Variants in CADPS observed in about 807,000 individuals in gnomAD.
The protein encoded by CADPS is calcium-dependent secretion activator 1.
In CADPS, 57 loss-of-function variants were observed where a neutral mutation model predicts 167.3. The observed-to-expected ratio is 0.34, with a 90% CI of 0.28 to 0.42. The LOEUF (loss-of-function observed/expected upper bound fraction) is 0.42. Among genes scored for constraint, CADPS ranks in the 20% least tolerant of loss-of-function variants. The pLI is 1.00. For synonymous variants in CADPS, 676 were observed against 635.3 expected, an observed-to-expected ratio of 1.06 and a Z score of -0.96; for missense variants, 1,414 against 1,738.1, an observed-to-expected ratio of 0.81 and a Z score of 3.32.
At chr3:62,735,666 A>G (rs1309609593) in intron 3 of CADPS, among the ~76,000 whole-genome samples, 1 of 152,158 alleles carries the variant, frequency 6.6e-6, no homozygotes, top group Non-Finnish European at 1.5e-5. Flanking sequence ...TTGTAAAGAA[A>G]TGCGGTCATG....
At chr3:62,802,189 G>A (rs1035697905) in intron 1 of CADPS, among the ~76,000 whole-genome samples, 2 of 152,074 alleles carry the variant, frequency 1.3e-5, no homozygotes, top group Non-Finnish European at 2.9e-5. Context: ...ATGGAGTGTG[G>A]ACAGTGCATA....
intron 9 of CADPS, among the ~76,000 whole-genome samples, chr3:62,567,688 C>T (rs2080512431): frequency 6.7e-6 from 1 of 149,778 alleles, no homozygotes. Context: ...AATTCTCCTG[C>T]CTCCGCGTTC....
At chr3:62,554,308 AG>A (rs2077761026) in intron 10 of CADPS, among the ~76,000 whole-genome samples, 2 of 152,230 alleles carry the variant, frequency 1.3e-5, no homozygotes, top group Admixed American at 1.3e-4. Flanking sequence ...GAACACGTCA[AG>A]GACCCAAACA....
chr3:62,667,435 C>A (rs541529883), intron 3 of CADPS, among the ~76,000 whole-genome samples: 6 of 152,094 alleles, frequency 3.9e-5, no homozygotes, highest in African/African-American at 1.4e-4. Context: ...CCTCTCGGTG[C>A]ACAGTCCCTT....
intron 27 of CADPS, chr3:62,439,987 T>A (rs2055971574): frequency 6.6e-6 from 1 of 152,226 alleles, no homozygotes; most frequent in Admixed American, 6.5e-5. Context: ...CTCCATGATT[T>A]GCTCCCTTTT....
At chr3:62,714,496 G>T (rs932768788) in intron 3 of CADPS, among the ~76,000 whole-genome samples, 1 of 152,148 alleles carries the variant, frequency 6.6e-6, no homozygotes, top group African/African-American at 2.4e-5. Flanking sequence ...GATTCCAAAG[G>T]CAAAGGGAAG....
chr3:62,586,368 G>T (rs2084637196), intron 7 of CADPS, among the ~76,000 whole-genome samples: 1 of 152,056 alleles, frequency 6.6e-6, no homozygotes, highest in Non-Finnish European at 1.5e-5. Context: ...TGGTCTTATG[G>T]GTGGACACTC....
At chr3:62,411,031 G>A (rs1272808968) in intron 28 of CADPS, among the ~76,000 whole-genome samples, 1 of 152,126 alleles carries the variant, frequency 6.6e-6, no homozygotes, top group Middle Eastern at 3.2e-3. Context: ...CTTGAGCCCA[G>A]GGGTTTGGGG....
chr3:62,450,393 A>T (rs186499661), intron 26 of CADPS, among the ~76,000 whole-genome samples: 91 of 152,244 alleles, frequency 6.0e-4, no homozygotes, highest in Middle Eastern at 6.8e-3. Context: ...ATAGCCATGT[A>T]CCCTAGGGCA....
chr3:62,800,823 G>A (rs2093716275), intron 1 of CADPS, among the ~76,000 whole-genome samples: 1 of 152,056 alleles, frequency 6.6e-6, no homozygotes. Flanking sequence ...ATCTTTCCCA[G>A]AAAACGCGTT....
chr3:62,723,412 C>CAGTGTAG (rs1439636076), intron 3 of CADPS, among the ~76,000 whole-genome samples: 12 of 152,090 alleles, frequency 7.9e-5, no homozygotes, highest in African/African-American at 2.2e-4. Context: ...GGAAAATGGA[C>CAGTGTAG]ACAGTGTAGA....
At chr3:62,713,531 TA>T (rs984439554) in intron 3 of CADPS, among the ~76,000 whole-genome samples, 1 of 152,238 alleles carries the variant, frequency 6.6e-6, no homozygotes, top group Non-Finnish European at 1.5e-5. Context: ...GGCACGTAAT[TA>T]AAAGTAGGTG....
chr3:62,435,196 C>G (rs1256266849), intron 28 of CADPS, among the ~76,000 whole-genome samples: 1 of 152,114 alleles, frequency 6.6e-6, no homozygotes, highest in Non-Finnish European at 1.5e-5. Context: ...GCCCCAGGAC[C>G]CCTATCATTA....
chr3:62,807,263 C>CA (rs1178194816), intron 1 of CADPS, among the ~76,000 whole-genome samples: 37 of 141,154 alleles, frequency 2.6e-4, no homozygotes, highest in African/African-American at 9.6e-4. Context: ...ATCAAATTTC[C>CA]TTTTTTTTTT....
At chr3:62,784,412 G>A (rs554967754) in intron 1 of CADPS, among the ~76,000 whole-genome samples, 1 of 152,138 alleles carries the variant, frequency 6.6e-6, no homozygotes, top group South Asian at 2.1e-4. Context: ...CTCTTTATAG[G>A]CTTTTTCCAG....
At chr3:62,635,860 C>A (rs947375926) in intron 6 of CADPS, among the ~76,000 whole-genome samples, 3 of 152,078 alleles carry the variant, frequency 2.0e-5, no homozygotes, top group Non-Finnish European at 4.4e-5. Flanking sequence ...CTGAATCAAC[C>A]AACATTTATT....
At chr3:62,449,473 C>T (rs1336001381) in intron 26 of CADPS, among the ~76,000 whole-genome samples, 3 of 152,132 alleles carry the variant, frequency 2.0e-5, no homozygotes, top group Admixed American at 1.3e-4. Flanking sequence ...AGCAGTGCTC[C>T]CTTTTTAAGG....
chr3:62,834,684 C>T (rs2153006216), intron 1 of CADPS, among the ~76,000 whole-genome samples: 1 of 152,276 alleles, frequency 6.6e-6, no homozygotes, highest in South Asian at 2.1e-4. Context: ...CTAGTCCAGG[C>T]TCACCAAGTA....
chr3:62,705,811 C>T (rs2082208522), intron 3 of CADPS, among the ~76,000 whole-genome samples: 1 of 152,120 alleles, frequency 6.6e-6, no homozygotes, highest in Non-Finnish European at 1.5e-5. Flanking sequence ...TTTATATATA[C>T]ATCTATCCTA....
Sources: allele counts gnomAD v4.1 joint callset (sites outside exome capture counted in the v4.1 genomes callset), GRCh38; gene constraint gnomAD v4.1.1; transcripts MANE v1.5; gene names NCBI Gene and HGNC (gene_info 2026-07-23, HGNC 2026-07-21).